The following CDH18 variants were observed in gnomAD, a reference collection of about 807,000 sequenced individuals.
CDH18 encodes the protein cadherin 18, also known as cadherin-18.
CDH18 carries 31 observed loss-of-function variants against 67.9 expected under a neutral mutation model. That is an observed-to-expected ratio of 0.46 (90% CI 0.34 to 0.62). The LOEUF (loss-of-function observed/expected upper bound fraction) is 0.62. Ranked by LOEUF, CDH18 falls within the 20% of genes least tolerant of loss-of-function variation. CDH18 has a pLI of 0.01. For synonymous variants in CDH18, 362 were observed against 347.2 expected, an observed-to-expected ratio of 1.04 and a Z score of -0.48; for missense variants, 890 against 975.5, an observed-to-expected ratio of 0.91 and a Z score of 1.17.
intron 2 of CDH18, among the ~76,000 whole-genome samples, chr5:20,057,829 G>A (rs75594694): frequency 0.011 from 1,749 of 152,120 alleles, 38 homozygotes; most frequent in African/African-American, 0.04. Context: ...AGACTACTTG[G>A]TGTGTATGCT....
At chr5:19,525,566 C>T (rs911990952) in intron 9 of CDH18, among the ~76,000 whole-genome samples, 1 of 152,138 alleles carries the variant, frequency 6.6e-6, no homozygotes, top group African/African-American at 2.4e-5. Context: ...AAAGTAATTT[C>T]TGGTGCAAAT....
At chr5:20,150,884 T>A (rs1002408601) in intron 2 of CDH18, among the ~76,000 whole-genome samples, 1 of 152,074 alleles carries the variant, frequency 6.6e-6, no homozygotes, top group African/African-American at 2.4e-5. Context: ...TCCCCAAAGT[T>A]GTAATTTTTG....
chr5:20,555,453 T>A (rs1757854744), intron 1 of CDH18, among the ~76,000 whole-genome samples: 1 of 94,184 alleles, frequency 1.1e-5, no homozygotes, highest in Non-Finnish European at 2.1e-5. Context: ...TTTTTTTTCT[T>A]TTTTCTTTGA....
At chr5:20,234,484 G>A (rs1261665562) in intron 2 of CDH18, among the ~76,000 whole-genome samples, 1 of 152,064 alleles carries the variant, frequency 6.6e-6, no homozygotes, top group African/African-American at 2.4e-5. Context: ...AGACATGAGA[G>A]CATGCTTCCT....
chr5:20,259,915 CT>C (rs770704714), intron 1 of CDH18, among the ~76,000 whole-genome samples: 20 of 151,868 alleles, frequency 1.3e-4, no homozygotes, highest in Admixed American at 8.5e-4. Context: ...AATAATTGGC[CT>C]TTCCAAGTGG....
intron 2 of CDH18, among the ~76,000 whole-genome samples, chr5:19,847,609 C>T (rs912987199): frequency 2.0e-5 from 3 of 151,558 alleles, no homozygotes; most frequent in African/African-American, 7.3e-5. Flanking sequence ...ATTTATATGC[C>T]TCTTTTGATT....
rs76043082 is a variant in CDH18, at chr5:20,186,616, G to T, written c.-518+68828C>A. ...CATGAAGAGATACCACATATTACCC[G>T]CTAGAATGACTGAGAATCATTAGAA... On this transcript the variant is annotated intron_variant, in intron 2 of 14. Coordinates refer to the CDH18 transcript ENST00000507958. Among the ~76,000 whole-genome samples the T allele has an allele frequency of 4.6e-5, 7 of 151,944 alleles. No individual in the cohort carries two copies. The East Asian group carries it at 1.4e-3, about 29-fold the overall frequency.
intron 8 of CDH18, among the ~76,000 whole-genome samples, chr5:19,550,507 T>TG (rs1472374928): frequency 6.7e-6 from 1 of 150,074 alleles, no homozygotes; most frequent in Non-Finnish European, 1.5e-5. Context: ...AGTAAGAACA[T>TG]GCGGTGTTTG....
rs79679509 is a variant in CDH18, at chr5:20,110,790, G to A, written c.-517-118776C>T. ...ACTTCACACCTAAAGTAGTGGCAGC[G>A]TAATGAAAATGAATTGAGAATATGG... On this transcript the variant is annotated intron_variant, in intron 2 of 14. Coordinates refer to the CDH18 transcript ENST00000507958. 8.4e-3 allele frequency among the ~76,000 whole-genome samples: 1,273 copies of A among 152,222 alleles called. 86 individuals are homozygous for A. The East Asian group carries it at 0.19, about 22-fold the overall frequency.
intron 5 of CDH18, among the ~76,000 whole-genome samples, chr5:19,683,391 T>C (rs1225055184): frequency 6.6e-6 from 1 of 152,100 alleles, no homozygotes; most frequent in Non-Finnish European, 1.5e-5. Context: ...GCTTCATAGA[T>C]ACCCATGCTG....
intron 2 of CDH18, among the ~76,000 whole-genome samples, chr5:19,877,145 T>C (rs1182363263): frequency 6.6e-6 from 1 of 152,152 alleles, no homozygotes; most frequent in Non-Finnish European, 1.5e-5. Flanking sequence ...CTTTTAGCAG[T>C]ATTACTGTAC....
intron 2 of CDH18, among the ~76,000 whole-genome samples, chr5:19,936,321 A>G (rs906622135): frequency 6.6e-6 from 1 of 151,202 alleles, no homozygotes; most frequent in Non-Finnish European, 1.5e-5. Context: ...TTCTTTTTTA[A>G]AAAAATAATT....
chr5:19,680,999 C>T (rs931540809), intron 5 of CDH18, among the ~76,000 whole-genome samples: 11 of 151,994 alleles, frequency 7.2e-5, no homozygotes, highest in South Asian at 4.1e-4. Flanking sequence ...ATAGCGATGA[C>T]GTGGAATCAA....
chr5:20,285,403 A>G (rs1200809299), intron 1 of CDH18, among the ~76,000 whole-genome samples: 1 of 146,694 alleles, frequency 6.8e-6, no homozygotes, highest in African/African-American at 2.5e-5. Context: ...ATAATATAAT[A>G]TAATATAATA....
At chr5:19,592,219 A>C (rs1192867870) in intron 6 of CDH18, among the ~76,000 whole-genome samples, 2 of 152,060 alleles carry the variant, frequency 1.3e-5, no homozygotes, top group Non-Finnish European at 2.9e-5. Context: ...GATTAGATAG[A>C]TAGCTAACAA....
chr5:20,183,149 AG>A (rs1421717291), intron 2 of CDH18, among the ~76,000 whole-genome samples: 8 of 84,634 alleles, frequency 9.5e-5, no homozygotes, highest in Non-Finnish European at 1.5e-4. Context: ...CTATATGTAA[AG>A]GGCTCAGAAT....
chr5:20,567,228 G>C (rs944516686), intron 1 of CDH18, among the ~76,000 whole-genome samples: 1 of 152,168 alleles, frequency 6.6e-6, no homozygotes, highest in Non-Finnish European at 1.5e-5. Context: ...CTAGGGCTGG[G>C]AGAACAAAAG....
chr5:19,904,190 C>T (rs1790265927), intron 2 of CDH18, among the ~76,000 whole-genome samples: 2 of 151,612 alleles, frequency 1.3e-5, no homozygotes, highest in South Asian at 4.2e-4. Context: ...AGGAGAATCA[C>T]TTGAACTCCG....
intron 6 of CDH18, among the ~76,000 whole-genome samples, chr5:19,593,159 T>G (rs905009525): frequency 2.0e-5 from 3 of 152,166 alleles, no homozygotes; most frequent in Non-Finnish European, 2.9e-5. Context: ...TAATCCTGAT[T>G]TCGATTTTTT....
Sources: allele counts gnomAD v4.1 joint callset (sites outside exome capture counted in the v4.1 genomes callset), GRCh38; gene constraint gnomAD v4.1.1; transcripts MANE v1.5; gene names NCBI Gene and HGNC (gene_info 2026-07-23, HGNC 2026-07-21).